Variants in MROH7 observed in about 807,000 individuals in gnomAD.
MROH7 encodes maestro heat-like repeat-containing protein family member 7.
MROH7 carries 113 observed loss-of-function variants against 129.2 expected under a neutral mutation model. That is an observed-to-expected ratio of 0.87 (90% CI 0.75 to 1.02). MROH7 has a LOEUF of 1.02. Among genes scored for constraint, MROH7 ranks in the 50% least tolerant of loss-of-function variants. The probability of loss-of-function intolerance (pLI) is 0.00; values close to 1 mark genes in which losing one functional copy is unlikely to be tolerated. For synonymous variants in MROH7, 655 were observed against 667.9 expected, an observed-to-expected ratio of 0.98 and a Z score of 0.30; for missense variants, 1,601 against 1,671.3, an observed-to-expected ratio of 0.96 and a Z score of 0.73.
intron 9 of MROH7, 77 bp from the exon 10 acceptor site, chr1:54,673,939 T>C (rs1040066751): frequency 1.3e-6 from 2 of 1,568,340 alleles, no homozygotes; most frequent in African/African-American, 1.4e-5. Context: ...GGCCAGACTA[T>C]CCACCGGTGT....
chr1:54,665,101 T>C lies in MROH7; in HGVS notation c.1232-66T>C, dbSNP rs1644790596. On this transcript the variant is annotated intron_variant, in intron 3 of 23. Coordinates refer to ENST00000421030, the MANE Select transcript of MROH7 (RefSeq NM_001039464.4). ...GGTGCCTAGAGGGGGAGGAGAGAGA[T>C]GGCATGATGGCATCCTAGGTACATC... The C allele has an allele frequency of 2.4e-6, 3 of 1,245,974 alleles. No homozygotes were observed. In the African/African-American group the frequency reaches 4.4e-5, roughly 18 times the overall value. The allele number at this position is 1,245,974 out of a possible 1,614,324, so 77.2% of individuals were successfully genotyped here. A position where few individuals can be genotyped will look rare whatever the true frequency, so the allele number is the denominator to read the frequency against.
intron 4 of MROH7, 140 bp from the exon 5 acceptor site, chr1:54,668,714 G>C (rs1557702238): frequency 7.5e-5 from 48 of 639,800 alleles, no homozygotes; most frequent in Non-Finnish European, 1.2e-4. Context: ...AGCTCCCCTT[G>C]TGGGGACCTC....
At position 54,685,496 on chromosome 1, in the gene MROH7, A is replaced by G. The variant is rs531062003; in HGVS notation, c.2521-762A>G. On this transcript the variant is annotated intron_variant, in intron 14 of 23. Coordinates refer to ENST00000421030, the MANE Select transcript of MROH7 (RefSeq NM_001039464.4). ...GGGAGTGGTAGAGCCAGAATGAGCC[A>G]TGAGTCTTGTGACACCAGCCCATCA... Among the ~76,000 whole-genome samples, 15 of 152,242 alleles carry G rather than the reference A, an allele frequency of 9.9e-5. 1 individual carries two copies. Among genetic ancestry groups the G allele is most frequent in the African/African-American group, 3.4e-4 (14 of 41,552 alleles).
Position 54,695,423 on chromosome 1 carries a change from T to C in MROH7, c.2897T>C (p.Leu966Pro), listed in dbSNP as rs770070946. ...SCQELCRILY[L>P]LIPLLERGDE... ...CAGGAGCTGTGCCGCATCCTCTACCTGCTCATCCCGCTCCTGGAGCGAGGC... is the reference window on the plus strand; with the variant it reads ...CAGGAGCTGTGCCGCATCCTCTACCCGCTCATCCCGCTCCTGGAGCGAGGC... Residue 966 changes from leucine to proline, a missense_variant, in exon 17 of 24, where the codon CTG (leucine) becomes CCG (proline). Coordinates refer to ENST00000421030, the MANE Select transcript of MROH7 (RefSeq NM_001039464.4). 15 of 1,613,744 alleles carry C rather than the reference T, an allele frequency of 9.3e-6. No individual in the cohort carries two copies. The South Asian group carries it at 1.3e-4, about 14-fold the overall frequency.
intron 5 of MROH7, 47 bp downstream of exon 5, chr1:54,668,984 A>C: frequency 7.3e-7 from 1 of 1,377,346 alleles, no homozygotes; most frequent in East Asian, 2.3e-5. Flanking sequence ...GGGAGGGGGC[A>C]GAATTCCTGA....
At chr1:54,662,848 T>G (rs959021451) in intron 3 of MROH7, among the ~76,000 whole-genome samples, 18 of 152,222 alleles carry the variant, frequency 1.2e-4, no homozygotes, top group Admixed American at 9.2e-4. Flanking sequence ...TTTCTTTGAC[T>G]TTCTTGTCCT....
chr1:54,653,373 T>C lies in MROH7; in HGVS notation c.447T>C (p.Ser149=), dbSNP rs1390167191. ...LSSGNHPQSN[S]EDAFKCLSSK... ...CTGGGAACCACCCTCAGTCAAATTC[T>C]GAAGATGCCTTCAAGTGCCTCTCAA... The change falls in exon 3 of 24, where the codon TCT becomes TCC. Residue 149 remains serine (S), a synonymous_variant. Coordinates refer to ENST00000421030, the MANE Select transcript of MROH7 (RefSeq NM_001039464.4). 4 of 1,614,092 alleles carry C rather than the reference T, an allele frequency of 2.5e-6. No homozygotes were observed. The South Asian group carries it at 4.4e-5, about 18-fold the overall frequency.
rs1156324383 is a variant in MROH7 at position 54,680,043 on chromosome 1, C to A, written c.2379C>A (p.Asn793Lys). Residue 793 changes from asparagine (N) to lysine (K), a missense_variant and splice_region_variant, in exon 13 of 24, where the codon AAC becomes AAA. Asn to Lys is a moderately conservative substitution (Grantham distance 94, BLOSUM62 0). Transcript: ENST00000421030. ...VALLMCPLPL[N>K]SNGAEMWRQL... ...TGCTCATGTGCCCCCTCCCACTGAACAGGTACCAAGTGAAGGGGTTCCCAG... is the reference window on the plus strand; with the variant it reads ...TGCTCATGTGCCCCCTCCCACTGAAAAGGTACCAAGTGAAGGGGTTCCCAG... 3 of 1,613,608 alleles carry A rather than the reference C, an allele frequency of 1.9e-6. No individual in the cohort carries two copies. The highest frequency in any genetic ancestry group is 2.5e-6 in the Non-Finnish European group (3 of 1,179,764).
At position 54,710,197 on chromosome 1, in the gene MROH7, G is replaced by A; in HGVS notation, c.*10G>A. ...GTCCTTGAAGAAGTGACGTCCCTGA[G>A]CCCCAAACCCTCCTCAGGGTGGTTG... On this transcript the variant is annotated 3_prime_UTR_variant, in exon 24 of 24. Transcript: ENST00000421030. 1 of 1,608,606 alleles carries A rather than the reference G, an allele frequency of 6.2e-7. No homozygotes were observed. Among genetic ancestry groups the A allele is most frequent in the Non-Finnish European group, 8.5e-7 (1 of 1,178,840 alleles).
intron 8 of MROH7, 27 bp downstream of exon 8, chr1:54,673,213 G>A: frequency 6.4e-7 from 1 of 1,557,532 alleles, no homozygotes; most frequent in Non-Finnish European, 8.8e-7. Context: ...GGCAAGGAAG[G>A]GAGGGGAGGA....
chr1:54,679,479 G>C, intron 12 of MROH7, 40 bp downstream of exon 12: 1 of 1,591,362 alleles, frequency 6.3e-7, no homozygotes, highest in Non-Finnish European at 8.6e-7. Context: ...TGTCACTGGG[G>C]CTCGGGAGCT....
intron 3 of MROH7, among the ~76,000 whole-genome samples, chr1:54,661,093 T>C (rs960068112): frequency 4.6e-5 from 7 of 152,066 alleles, no homozygotes; most frequent in Non-Finnish European, 8.8e-5. Flanking sequence ...TTTTTCTTAT[T>C]GGTTTGTGGG....
chr1:54,679,504 C>G (rs1451625854), intron 12 of MROH7, 65 bp downstream of exon 12: 19 of 1,532,378 alleles, frequency 1.2e-5, no homozygotes, highest in Non-Finnish European at 1.6e-5. Flanking sequence ...CCATGGCCTG[C>G]TCATCACTGG....
At chr1:54,652,539 T>C (rs958516394) in intron 2 of MROH7, among the ~76,000 whole-genome samples, 2 of 152,204 alleles carry the variant, frequency 1.3e-5, no homozygotes, top group African/African-American at 4.8e-5. Flanking sequence ...TTCACTGGAA[T>C]GAAATGTGCT....
intron 16 of MROH7, among the ~76,000 whole-genome samples, chr1:54,694,450 T>G (rs2101182137): frequency 6.6e-6 from 1 of 152,302 alleles, no homozygotes; most frequent in South Asian, 2.1e-4. Context: ...TAAGAGTTCC[T>G]GCTTAGTAGG....
rs548918127 is a variant in MROH7, at chr1:54,670,587, C to A, written c.1469+11C>A. On this transcript the variant is annotated intron_variant, in intron 6 of 23. Coordinates refer to ENST00000421030, the MANE Select transcript of MROH7 (RefSeq NM_001039464.4). ...CCTGACCCAGCTGAGGTGTCCATGG[C>A]CCTCTCCCTGTTCCCACAGCCCCTC... 3.1e-6 allele frequency: 5 copies of A among 1,607,874 alleles called. No homozygotes were observed. The highest frequency in any genetic ancestry group is 1.7e-4 in the Middle Eastern group (1 of 6,060).
At chr1:54,664,041 C>CT in intron 3 of MROH7, 1 of 278,472 alleles carries the variant, frequency 3.6e-6, no homozygotes, top group Non-Finnish European at 7.0e-6. Context: ...ATAAAGGACT[C>CT]TATTGGTCCT....
intron 17 of MROH7, chr1:54,699,159 T>TTTCTTTCTTTTCTTTCTTTCTTTCTTTC (rs71048705): frequency 1.1e-4 from 7 of 65,964 alleles, no homozygotes; most frequent in Admixed American, 1.6e-4. Flanking sequence ...TCTTTCTTTC[T>TTTCTTTCTTTTCTTTCTTTCTTTCTTTC]TTTCTTTCTT....
At chr1:54,707,993 A>G (rs537119158) in intron 22 of MROH7, among the ~76,000 whole-genome samples, 1 of 152,316 alleles carries the variant, frequency 6.6e-6, no homozygotes, top group South Asian at 2.1e-4. Flanking sequence ...GTATAAACAG[A>G]TAGAGAAAAG....
Sources: gnomAD v4.1 joint callset for allele counts (sites outside exome capture counted in the v4.1 genomes callset) on GRCh38, gnomAD v4.1.1 for gene constraint, MANE v1.5 for transcripts, NCBI Gene and HGNC (gene_info 2026-07-23, HGNC 2026-07-21) for gene names.